Variants in ZNF185 observed in about 807,000 individuals in gnomAD.
ZNF185 encodes the protein zinc finger protein 185.
Under a neutral mutation model 58.6 loss-of-function variants are expected in ZNF185, and 56 were observed. The observed-to-expected ratio is 0.95, with a 90% CI of 0.77 to 1.19. The LOEUF (loss-of-function observed/expected upper bound fraction) is 1.19. ZNF185 is among the 50% of genes most tolerant of loss of function. The probability of loss-of-function intolerance (pLI) is 0.00; values close to 1 mark genes in which losing one functional copy is unlikely to be tolerated. For missense variants in ZNF185, 627 were observed against 573.5 expected (o/e 1.09, Z -0.95); for synonymous variants, 230 against 215.9 (o/e 1.07, Z -0.57).
chrX:152,947,649 TG>T (rs2047920007), intron 16 of ZNF185, among the ~76,000 whole-genome samples: 1 of 112,552 alleles, frequency 8.9e-6, no homozygotes, highest in African/African-American at 3.2e-5. Context: ...AGATCTGACC[TG>T]GGGCTAGAGA....
chrX:152,924,787 C>T (rs1013138222), intron 11 of ZNF185, among the ~76,000 whole-genome samples: 3 of 111,821 alleles, frequency 2.7e-5, no homozygotes, highest in East Asian at 2.8e-4. Context: ...CGGGTTCAAG[C>T]GATTCTTCTG....
chrX:152,939,344 G>C (rs899894836), intron 15 of ZNF185, among the ~76,000 whole-genome samples: 2 of 111,929 alleles, frequency 1.8e-5, no homozygotes, highest in Non-Finnish European at 3.8e-5. Flanking sequence ...GCTGTGCTAG[G>C]TGCCTTACAG....
chrX:152,935,321 C>T (rs782736214), intron 14 of ZNF185, among the ~76,000 whole-genome samples: 65 of 107,198 alleles, frequency 6.1e-4, no homozygotes, highest in Admixed American at 1.9e-3. Context: ...CTGCAAGCTC[C>T]GCCTCCTGAG....
the ZNF185 span, among the ~76,000 whole-genome samples, chrX:152,903,112 A>G: frequency 1.8e-5 from 2 of 110,425 alleles, no homozygotes; most frequent in Non-Finnish European, 3.8e-5. Context: ...AAAGTGGCCG[A>G]GTGCGGTGGC....
At chrX:152,908,448 C>T in the ZNF185 span, among the ~76,000 whole-genome samples, 1 of 112,636 alleles carries the variant, frequency 8.9e-6, no homozygotes, top group South Asian at 3.7e-4. Context: ...GGCACAAGCC[C>T]AGAGGCATGA....
chrX:152,938,922 C>T (rs1435610360), intron 15 of ZNF185, among the ~76,000 whole-genome samples: 1 of 96,936 alleles, frequency 1.0e-5, no homozygotes, highest in East Asian at 2.9e-4. Flanking sequence ...GGAGAAGGAG[C>T]CAACTCTAGA....
rs1259569345 is a variant in ZNF185, at chrX:152,931,784, A to G, written c.1022+8A>G. Reference sequence around the variant, plus strand: ...CAACACAGATGCTGCAAGGTAACTCAGTGCAGGAAGCAGACACTTCATTCC... The same window carrying G: ...CAACACAGATGCTGCAAGGTAACTCGGTGCAGGAAGCAGACACTTCATTCC... On this transcript the variant is annotated splice_region_variant and intron_variant, in intron 13 of 22. Transcript: ENST00000449285. 2 of 1,187,782 alleles carry G rather than the reference A, an allele frequency of 1.7e-6. No individual in the cohort carries two copies. The highest frequency in any genetic ancestry group is 2.3e-6 in the Non-Finnish European group (2 of 881,462).
chrX:152,941,099 A>T (rs927401168), intron 15 of ZNF185, among the ~76,000 whole-genome samples: 4 of 112,145 alleles, frequency 3.6e-5, no homozygotes, highest in Non-Finnish European at 1.9e-5. Flanking sequence ...AAACTTCCCG[A>T]AGTCCCAGGT....
intron 16 of ZNF185, among the ~76,000 whole-genome samples, chrX:152,952,246 A>G (rs1603294373): frequency 8.9e-6 from 1 of 112,463 alleles, no homozygotes; most frequent in East Asian, 2.8e-4. Context: ...TTTGTTTGCC[A>G]AAAGTTTACA....
intron 14 of ZNF185, among the ~76,000 whole-genome samples, chrX:152,933,458 G>C (rs782807510): frequency 8.9e-6 from 1 of 112,084 alleles, no homozygotes; most frequent in African/African-American, 3.2e-5. Context: ...CTGAGGTTCA[G>C]GGAGAGGAAA....
At chrX:152,947,905 G>GA (rs1218524408) in intron 16 of ZNF185, among the ~76,000 whole-genome samples, 2 of 110,969 alleles carry the variant, frequency 1.8e-5, no homozygotes, top group African/African-American at 6.5e-5. Context: ...GTCTCAAAAA[G>GA]AAAAAAAGAG....
At chrX:152,944,749 T>G (rs1569509999) in intron 15 of ZNF185, among the ~76,000 whole-genome samples, 1 of 111,883 alleles carries the variant, frequency 8.9e-6, no homozygotes, top group Non-Finnish European at 1.9e-5. Context: ...CTGTAATCCC[T>G]GCACTTTGGG....
chrX:152,934,576 A>C (rs1215936864), intron 14 of ZNF185, among the ~76,000 whole-genome samples: 2 of 111,805 alleles, frequency 1.8e-5, no homozygotes, highest in African/African-American at 3.3e-5. Context: ...ATATACCAAA[A>C]TCCATGCATG....
chrX:152,945,531 A>G, intron 16 of ZNF185, 67 bp downstream of exon 18: 1 of 1,093,598 alleles, frequency 9.1e-7, no homozygotes, highest in Non-Finnish European at 1.2e-6. Flanking sequence ...TGCGACCCAC[A>G]TGGGAACCAC....
chrX:152,950,163 A>G lies in ZNF185; in HGVS notation c.1409+4699A>G, dbSNP rs889063146. On this transcript the variant is annotated intron_variant, in intron 16 of 22. Transcript: ENST00000449285. Reference sequence around the variant, plus strand: ...CGGTAGAATTCCACATGTGGGGAATACTTGTTCTAACAAAAGCTTAATAAC... The same window carrying G: ...CGGTAGAATTCCACATGTGGGGAATGCTTGTTCTAACAAAAGCTTAATAAC... 6.2e-5 allele frequency among the ~76,000 whole-genome samples: 7 copies of G among 112,402 alleles called. No homozygotes were observed. In the East Asian group the frequency reaches 1.7e-3, roughly 27 times the overall value.
At chrX:152,898,848 G>T in the ZNF185 span, among the ~76,000 whole-genome samples, 11 of 112,491 alleles carry the variant, frequency 9.8e-5, no homozygotes, top group Non-Finnish European at 1.9e-5. Flanking sequence ...TTTGATGGGG[G>T]CAGAGGGAGC....
At chrX:152,950,243 CATAA>C (rs2048171800) in intron 16 of ZNF185, among the ~76,000 whole-genome samples, 1 of 111,981 alleles carries the variant, frequency 8.9e-6, no homozygotes, top group South Asian at 3.7e-4. Context: ...GTGAGAAAAA[CATAA>C]ATAAACTAGT....
In ZNF185 at chrX:152,972,459, C is replaced by G. The variant is rs782511607; in HGVS notation, c.*1186C>G. On this transcript the variant is annotated 3_prime_UTR_variant, in exon 23 of 23. Coordinates refer to ENST00000449285, the Ensembl canonical transcript of ZNF185. ...CCTGGATCCCTGAATTATCCCCCCC[C>G]CCATGAAGTACTTCAAGGGCCAAGC... 11 of 110,344 alleles carry G rather than the reference C, an allele frequency of 1.0e-4. No individual in the cohort carries two copies. The East Asian group carries it at 1.4e-3, about 14-fold the overall frequency. The allele number at this position is 110,344 out of a possible 1,213,427, so 9.1% of individuals were successfully genotyped here. A position where few individuals can be genotyped will look rare whatever the true frequency, so the allele number is the denominator to read the frequency against.
chrX:152,928,538 C>T (rs782748302), intron 11 of ZNF185, 37 bp from the exon 13 acceptor site: 2 of 1,202,700 alleles, frequency 1.7e-6, no homozygotes, highest in East Asian at 3.0e-5. Context: ...AGACTTTTCT[C>T]ACCTGCAACC....
Sources: gnomAD v4.1 joint callset for allele counts (sites outside exome capture counted in the v4.1 genomes callset) on GRCh38, gnomAD v4.1.1 for gene constraint, MANE v1.5 for transcripts, NCBI Gene and HGNC (gene_info 2026-07-23, HGNC 2026-07-21) for gene names.